The following NEGR1 variants were observed in gnomAD, a reference collection of about 807,000 sequenced individuals.
NEGR1 encodes the protein neuronal growth regulator 1, also known as IgLON family member 4.
NEGR1 carries 10 observed loss-of-function variants against 40.9 expected under a neutral mutation model. That is an observed-to-expected ratio of 0.24 (90% CI 0.15 to 0.42). The LOEUF (loss-of-function observed/expected upper bound fraction) is 0.42, where lower values mean the gene tolerates loss of function less well. NEGR1 is among the 10% of genes least tolerant of loss of function. The pLI is 1.00. For missense variants in NEGR1, 352 were observed against 438.9 expected, an observed-to-expected ratio of 0.80 and a Z score of 1.77; for synonymous variants, 185 against 166.8, an observed-to-expected ratio of 1.11 and a Z score of -0.84.
At chr1:71,568,011 C>G (rs1358351058) in intron 6 of NEGR1, among the ~76,000 whole-genome samples, 3 of 152,050 alleles carry the variant, frequency 2.0e-5, no homozygotes, top group Non-Finnish European at 4.4e-5. Context: ...AATAAACCAC[C>G]CAGTATATGG....
intron 6 of NEGR1, among the ~76,000 whole-genome samples, chr1:71,475,915 G>C (rs891907184): frequency 2.6e-5 from 4 of 151,570 alleles, no homozygotes; most frequent in African/African-American, 9.7e-5. Flanking sequence ...TTTCATTGAT[G>C]TTCACTTGTA....
chr1:72,223,766 A>G (rs771328249), intron 1 of NEGR1, among the ~76,000 whole-genome samples: 6 of 152,200 alleles, frequency 3.9e-5, no homozygotes, highest in Non-Finnish European at 7.3e-5. Flanking sequence ...ACGCTTAAAT[A>G]CTATTTATTA....
rs778158263 is a variant in NEGR1 at position 71,935,186 on chromosome 1, T to C, written c.302A>G (p.Tyr101Cys). 1.2e-6 allele frequency: 2 copies of C among 1,613,692 alleles called. No homozygotes were observed. The highest frequency in any genetic ancestry group is 1.7e-6 in the Non-Finnish European group (2 of 1,179,662). ...ATCTACATTCTGTATCTGGAGGCTG[T>C]AGTCCCTTTTATTCAATGTTGAAAT... ...VSISTLNKRDYSLQIQNVDVT... is the reference protein window; with the variant it reads ...VSISTLNKRDCSLQIQNVDVT... The change falls in exon 2 of 7, where the codon TAC (tyrosine) becomes TGC (cysteine). Residue 101 changes from tyrosine (Y) to cysteine (C), a missense_variant. By Grantham distance (194) the Tyr-to-Cys change is radical (BLOSUM62 -2). This residue lies in a region of NEGR1 where 30 missense variants were observed against 64.4 expected (regional missense o/e 0.47). Transcript: ENST00000357731.
chr1:72,008,364 C>T (rs570099736), intron 1 of NEGR1, among the ~76,000 whole-genome samples: 3 of 152,180 alleles, frequency 2.0e-5, no homozygotes, highest in East Asian at 3.9e-4. Context: ...ATAAAATGTA[C>T]TTATTTTTCT....
chr1:72,134,136 A>G (rs1650358511), intron 1 of NEGR1, among the ~76,000 whole-genome samples: 1 of 151,984 alleles, frequency 6.6e-6, no homozygotes, highest in African/African-American at 2.4e-5. Flanking sequence ...AGATGTATTT[A>G]AGTATTACTG....
intron 1 of NEGR1, among the ~76,000 whole-genome samples, chr1:72,121,411 A>G (rs1002085139): frequency 2.8e-4 from 42 of 152,102 alleles, no homozygotes; most frequent in Admixed American, 2.0e-3. Flanking sequence ...TATCATACCT[A>G]AGCATAGGTT....
intron 1 of NEGR1, among the ~76,000 whole-genome samples, chr1:72,207,019 A>C (rs1484022201): frequency 6.6e-6 from 1 of 151,630 alleles, no homozygotes; most frequent in Non-Finnish European, 1.5e-5. Flanking sequence ...TATTCCTAAC[A>C]AGTGGCAGGC....
chr1:71,681,222 T>TA (rs1652826370), intron 4 of NEGR1, among the ~76,000 whole-genome samples: 1 of 152,130 alleles, frequency 6.6e-6, no homozygotes, highest in South Asian at 2.1e-4. Flanking sequence ...TTTAAGGGGG[T>TA]AAAAAAATAC....
intron 5 of NEGR1, among the ~76,000 whole-genome samples, chr1:71,607,088 G>T (rs1407026235): frequency 6.6e-6 from 1 of 152,112 alleles, no homozygotes; most frequent in Admixed American, 6.5e-5. Flanking sequence ...AATCAAAAAA[G>T]GTCTCTAGGA....
intron 1 of NEGR1, among the ~76,000 whole-genome samples, chr1:72,154,289 A>G (rs961591788): frequency 7.9e-5 from 12 of 151,938 alleles, no homozygotes; most frequent in Non-Finnish European, 2.9e-5. Context: ...CGAATTCACT[A>G]GACATTCAAA....
At chr1:71,901,642 C>G (rs967542548) in intron 2 of NEGR1, among the ~76,000 whole-genome samples, 4 of 150,568 alleles carry the variant, frequency 2.7e-5, no homozygotes, top group Admixed American at 6.6e-5. Flanking sequence ...TTCTAAACAC[C>G]ATTTTTCTAA....
At chr1:72,037,530 A>G (rs1022631718) in intron 1 of NEGR1, among the ~76,000 whole-genome samples, 5 of 152,152 alleles carry the variant, frequency 3.3e-5, no homozygotes, top group African/African-American at 1.2e-4. Flanking sequence ...TGTGCTGTAG[A>G]AATTCTTTGG....
Position 71,686,654 on chromosome 1 carries a change from G to T in NEGR1, c.667+11354C>A, listed in dbSNP as rs1653050412. ...CAGGCTAGACAATGTAGTCCAAGCA[G>T]TAGGCGCAGGAAGAAGATGAAAACA... On this transcript the variant is annotated intron_variant, in intron 4 of 6. Transcript: ENST00000357731. Among the ~76,000 whole-genome samples the T allele has an allele frequency of 2.6e-5, 4 of 152,178 alleles. No homozygotes were observed. The South Asian group carries it at 8.3e-4, about 32-fold the overall frequency.
chr1:71,672,215 C>A (rs1652460054), intron 4 of NEGR1, among the ~76,000 whole-genome samples: 1 of 151,974 alleles, frequency 6.6e-6, no homozygotes, highest in African/African-American at 2.4e-5. Context: ...GGGATATAAA[C>A]CATAGACACA....
In NEGR1 at chr1:71,415,818, A is replaced by G. The variant is rs79629081; in HGVS notation, c.941-8248T>C. The stretch of plus-strand genomic sequence containing the variant: ...TACAGGTTATTTTGTATGACCCTGA[A>G]TGGTTCTTTGAACTTGGTATGGCAA... On this transcript the variant is annotated intron_variant, in intron 6 of 6. Coordinates refer to ENST00000357731, the MANE Select transcript of NEGR1 (RefSeq NM_173808.3). Among the ~76,000 whole-genome samples, 713 of 152,270 alleles carry G rather than the reference A, an allele frequency of 4.7e-3. 7 individuals are homozygous for G. Among genetic ancestry groups the G allele is most frequent in the Middle Eastern group, 0.041 (12 of 294 alleles).
At chr1:71,898,188 T>C (rs948026112) in intron 2 of NEGR1, among the ~76,000 whole-genome samples, 3 of 152,344 alleles carry the variant, frequency 2.0e-5, no homozygotes, top group East Asian at 1.9e-4. Context: ...GTATTTAAAA[T>C]TTCCGTCATT....
chr1:71,997,016 A>G (rs922661566), intron 1 of NEGR1, among the ~76,000 whole-genome samples: 1 of 151,816 alleles, frequency 6.6e-6, no homozygotes, highest in African/African-American at 2.4e-5. Flanking sequence ...TCCTTTTTTC[A>G]ATCTGTTTCT....
intron 2 of NEGR1, among the ~76,000 whole-genome samples, chr1:71,931,390 A>C (rs1326203229): frequency 6.6e-6 from 1 of 152,312 alleles, no homozygotes; most frequent in Non-Finnish European, 1.5e-5. Flanking sequence ...ACCATGTCTT[A>C]GTCCATTTTA....
chr1:71,465,718 A>G (rs1646741343), intron 6 of NEGR1, among the ~76,000 whole-genome samples: 1 of 152,082 alleles, frequency 6.6e-6, no homozygotes, highest in East Asian at 1.9e-4. Context: ...TGGTGAGTAA[A>G]CTGAAATTAT....
Sources: gnomAD v4.1 joint callset for allele counts (sites outside exome capture counted in the v4.1 genomes callset) on GRCh38, gnomAD v4.1.1 for gene constraint, gnomAD v4.1.1 regional missense constraint, MANE v1.5 for transcripts, NCBI Gene and HGNC (gene_info 2026-07-23, HGNC 2026-07-21) for gene names.